The following IQCJ variants were observed in gnomAD, a reference collection of about 807,000 sequenced individuals.
IQCJ encodes the protein IQ domain-containing protein J.
Under a neutral mutation model 11.0 loss-of-function variants are expected in IQCJ, and 9 were observed. The observed-to-expected ratio is 0.82, with a 90% confidence interval of 0.49 to 1.43. IQCJ has a LOEUF of 1.43. Among genes scored for constraint, IQCJ ranks in the 40% most tolerant of loss-of-function variants. The pLI, the probability that IQCJ is intolerant of heterozygous loss-of-function variation, is 0.00. For missense variants in IQCJ, 146 were observed against 133.2 expected, an observed-to-expected ratio of 1.10 and a Z score of -0.47; for synonymous variants, 55 against 51.3, an observed-to-expected ratio of 1.07 and a Z score of -0.31.
chr3:159,129,580 G>A (rs1719877612), intron 1 of IQCJ, among the ~76,000 whole-genome samples: 1 of 152,068 alleles, frequency 6.6e-6, no homozygotes, highest in African/African-American at 2.4e-5. Flanking sequence ...GAGTTGTAAA[G>A]TTCCCAGAAG....
chr3:159,248,441 G>T (rs566911982), intron 2 of IQCJ, among the ~76,000 whole-genome samples: 52 of 152,238 alleles, frequency 3.4e-4, no homozygotes, highest in African/African-American at 1.2e-3. Flanking sequence ...CACCACCACC[G>T]TCAATAGCTA....
intron 1 of IQCJ, among the ~76,000 whole-genome samples, chr3:159,210,897 C>T (rs1049507821): frequency 1.3e-5 from 2 of 151,478 alleles, no homozygotes; most frequent in Admixed American, 1.3e-4. Context: ...GTCTCAAACT[C>T]CTGACCTCAG....
At chr3:159,147,357 C>G (rs1179873933) in intron 1 of IQCJ, among the ~76,000 whole-genome samples, 1 of 152,230 alleles carries the variant, frequency 6.6e-6, no homozygotes, top group East Asian at 1.9e-4. Context: ...CTTCCCTTTT[C>G]AATCACAGCC....
At chr3:159,126,116 T>A (rs543034540) in intron 1 of IQCJ, among the ~76,000 whole-genome samples, 1 of 152,318 alleles carries the variant, frequency 6.6e-6, no homozygotes, top group Admixed American at 6.5e-5. Context: ...TTATGAAACT[T>A]TCTCTGATCC....
chr3:159,231,447 C>A (rs2886378), intron 1 of IQCJ, among the ~76,000 whole-genome samples: 4,658 of 152,230 alleles, frequency 0.031, 106 homozygotes, highest in Non-Finnish European at 0.048. Flanking sequence ...CTTATGAATT[C>A]TTTTATTTCC....
rs1423733052 is a variant in IQCJ, at chr3:159,262,557, A to G, written c.165A>G (p.Arg55=). The change falls in exon 4 of 4, where the codon CGA becomes CGG. Residue 55 remains arginine (R), a synonymous_variant. Coordinates refer to ENST00000397832, the MANE Select transcript of IQCJ (RefSeq NM_001042706.3). ...PLESKVKIIQ[R]AWREYLQRQE... is the part of the protein sequence containing the mutation. ...TGTTTTGTTTTTTCAGCATTCAGCG[A>G]GCATGGCGAGAGTACCTGCAGCGGC... The G allele has an allele frequency of 6.2e-7, 1 of 1,613,254 alleles. No homozygotes were observed. The highest frequency in any genetic ancestry group is 8.5e-7 in the Non-Finnish European group (1 of 1,179,448).
chr3:159,090,057 A>G (rs1252071430), intron 1 of IQCJ, among the ~76,000 whole-genome samples: 2 of 151,442 alleles, frequency 1.3e-5, no homozygotes, highest in Non-Finnish European at 2.9e-5. Flanking sequence ...GGTTTTATCT[A>G]CTTTTGGTCT....
At chr3:159,173,308 A>G (rs946535249) in intron 1 of IQCJ, among the ~76,000 whole-genome samples, 1 of 152,206 alleles carries the variant, frequency 6.6e-6, no homozygotes, top group African/African-American at 2.4e-5. Flanking sequence ...TGACACTGAT[A>G]CAATGTTCAG....
intron 1 of IQCJ, among the ~76,000 whole-genome samples, chr3:159,119,794 T>C (rs1719247180): frequency 6.6e-6 from 1 of 152,166 alleles, no homozygotes; most frequent in African/African-American, 2.4e-5. Flanking sequence ...TGTATCCCCA[T>C]TCCGTATGGG....
At chr3:159,247,730 T>C (rs1357979507) in intron 2 of IQCJ, among the ~76,000 whole-genome samples, 1 of 152,206 alleles carries the variant, frequency 6.6e-6, no homozygotes, top group African/African-American at 2.4e-5. Context: ...GGAATATTTT[T>C]AGTTTTTGTA....
At chr3:159,081,288 C>T (rs751407683) in intron 1 of IQCJ, among the ~76,000 whole-genome samples, 13 of 152,122 alleles carry the variant, frequency 8.5e-5, no homozygotes, top group Non-Finnish European at 4.4e-5. Context: ...TCCCAGTAGA[C>T]TCTCTCTGGC....
chr3:159,086,924 A>G (rs896269566), intron 1 of IQCJ, among the ~76,000 whole-genome samples: 6 of 152,172 alleles, frequency 3.9e-5, no homozygotes, highest in East Asian at 1.9e-4. Flanking sequence ...TCTCCTGCCT[A>G]ATTGCCCTGG....
At chr3:159,158,706 T>A (rs779772398) in intron 1 of IQCJ, among the ~76,000 whole-genome samples, 30 of 152,116 alleles carry the variant, frequency 2.0e-4, no homozygotes, top group Non-Finnish European at 3.5e-4. Context: ...AAAACCAGAG[T>A]AGAATTGGCA....
At chr3:159,199,393 A>G (rs1724182071) in intron 1 of IQCJ, among the ~76,000 whole-genome samples, 1 of 152,222 alleles carries the variant, frequency 6.6e-6, no homozygotes, top group Non-Finnish European at 1.5e-5. Context: ...GCCACTATGC[A>G]CTGGAAAAGA....
chr3:159,256,324 A>T (rs1727893008), intron 3 of IQCJ, among the ~76,000 whole-genome samples: 1 of 152,174 alleles, frequency 6.6e-6, no homozygotes, highest in Admixed American at 6.5e-5. Flanking sequence ...TAATGAAACA[A>T]CATTTAGGTT....
At chr3:159,154,888 G>C (rs540764089) in intron 1 of IQCJ, among the ~76,000 whole-genome samples, 22 of 152,102 alleles carry the variant, frequency 1.4e-4, no homozygotes, top group African/African-American at 5.3e-4. Flanking sequence ...TCCTTCTCTT[G>C]TTCCTGCCTC....
chr3:159,204,816 C>A (rs1398748535), intron 1 of IQCJ, among the ~76,000 whole-genome samples: 2 of 152,164 alleles, frequency 1.3e-5, no homozygotes, highest in African/African-American at 4.8e-5. Context: ...GGAGAATTGA[C>A]AAAACAGGGA....
chr3:159,152,534 C>G (rs912447249), intron 1 of IQCJ, among the ~76,000 whole-genome samples: 1 of 152,180 alleles, frequency 6.6e-6, no homozygotes, highest in African/African-American at 2.4e-5. Context: ...CAGCCACTCA[C>G]TAAATGTGTG....
intron 1 of IQCJ, among the ~76,000 whole-genome samples, chr3:159,198,085 G>A (rs1169835893): frequency 4.6e-5 from 7 of 152,096 alleles, no homozygotes; most frequent in East Asian, 3.9e-4. Context: ...AAAGTAGGTC[G>A]TAATGAAAAG....
Sources: gnomAD v4.1 joint callset for allele counts (sites outside exome capture counted in the v4.1 genomes callset) on GRCh38, gnomAD v4.1.1 for gene constraint, MANE v1.5 for transcripts, NCBI Gene and HGNC (gene_info 2026-07-23, HGNC 2026-07-21) for gene names.